PRDM16: variants seen among roughly 807,000 people sequenced by gnomAD.
PRDM16 encodes histone-lysine N-methyltransferase PRDM16.
A neutral mutation model predicts 110.6 loss-of-function variants in PRDM16; 23 were observed. That is an observed-to-expected ratio of 0.21 (90% CI 0.15 to 0.29). The LOEUF is 0.29. Among genes scored for constraint, PRDM16 ranks in the 10% least tolerant of loss-of-function variants. PRDM16 has a pLI of 1.00. For missense variants in PRDM16, 1,615 were observed against 1,794.3 expected, an observed-to-expected ratio of 0.90 and a Z score of 1.81; for synonymous variants, 799 against 781.8, an observed-to-expected ratio of 1.02 and a Z score of -0.37.
Position 3,157,849 on chromosome 1 carries a change from C to T in PRDM16, c.38-28276C>T, listed in dbSNP as rs569270826. Among the ~76,000 whole-genome samples the T allele has an allele frequency of 2.6e-5, 4 of 152,312 alleles. No individual in the cohort carries two copies. The highest frequency in any genetic ancestry group is 4.8e-5 in the African/African-American group (2 of 41,584). ...GCCATCTGGCCTCCCCCAGCACCGC[C>T]GGGCTGGATGCTTTAGCCCCAGCAC... is the stretch of plus-strand genomic sequence containing the variant. On this transcript the variant is annotated intron_variant, in intron 1 of 16. Transcript: ENST00000270722. This position sits in a 1 kb window ranked among gnomAD's most constrained non-coding sequence, Gnocchi z 4.8.
chr1:3,425,366 C>T lies in PRDM16; in HGVS notation c.2940-215C>T, dbSNP rs1638571586. Reference sequence around the variant, plus strand: ...GTGCTGTGATTATAGGCGTGAACCCCTGCTTCTTGAAGCCGGGGCTGTTTC... The same window carrying T: ...GTGCTGTGATTATAGGCGTGAACCCTTGCTTCTTGAAGCCGGGGCTGTTTC... On this transcript the variant is annotated intron_variant, in intron 12 of 16. Coordinates refer to ENST00000270722, the MANE Select transcript of PRDM16 (RefSeq NM_022114.4). This position sits in a 1 kb window ranked among gnomAD's most constrained non-coding sequence, Gnocchi z 6.9. 1.7e-5 allele frequency: 9 copies of T among 535,078 alleles called. No homozygotes were observed. The South Asian group carries it at 2.1e-4, about 12-fold the overall frequency. The allele number at this position is 535,078 out of a possible 1,614,324, so 33.1% of individuals were successfully genotyped here. A position where few individuals can be genotyped will look rare whatever the true frequency, so the allele number is the denominator to read the frequency against.
At position 3,438,049 on chromosome 1, in the gene PRDM16, C is replaced by T; in HGVS notation, c.*4238C>T. On this transcript the variant is annotated 3_prime_UTR_variant, in exon 17 of 17. Coordinates refer to ENST00000270722, the MANE Select transcript of PRDM16 (RefSeq NM_022114.4). Reference sequence around the variant, plus strand: ...TTAGTTTTGTTTTGTTTTGTTTTTTCTTTTAGAACTGTATAGTATTGAAAA... The same window carrying T: ...TTAGTTTTGTTTTGTTTTGTTTTTTTTTTTAGAACTGTATAGTATTGAAAA... 2 of 204,038 alleles carry T rather than the reference C, an allele frequency of 9.8e-6. No homozygotes were observed. The highest frequency in any genetic ancestry group is 7.4e-5 in the East Asian group (1 of 13,478). 12.6% of individuals were successfully genotyped at this position (204,038 alleles called of 1,614,324 possible). A position where few individuals can be genotyped will look rare whatever the true frequency, so the allele number is the denominator to read the frequency against.
intron 1 of PRDM16, among the ~76,000 whole-genome samples, chr1:3,163,477 G>A (rs1325558965): frequency 6.6e-6 from 1 of 152,220 alleles, no homozygotes; most frequent in Non-Finnish European, 1.5e-5. Context: ...AGTAGGTGTT[G>A]AGTAAGAGCG....
rs1642891721 is a variant in PRDM16 at position 3,370,815 on chromosome 1, A to T, written c.439-14337A>T. On this transcript the variant is annotated intron_variant, in intron 3 of 16. Transcript: ENST00000270722. This position sits in a 1 kb window ranked among gnomAD's most constrained non-coding sequence, Gnocchi z 4.8. The stretch of plus-strand genomic sequence containing the variant: ...CATCCATCCATCCACTCATTTATTA[A>T]TCCATCCACCATCTATTCATCCATC... Among the ~76,000 whole-genome samples, 1 of 152,056 alleles carries T rather than the reference A, an allele frequency of 6.6e-6. No homozygotes were observed.
Position 3,402,995 on chromosome 1 carries a change from A to G in PRDM16, c.881A>G (p.Tyr294Cys), listed in dbSNP as rs2100642700. ...TGCGAGCGGATGTTCCCCAACAAGT[A>G]CAGGTGCCACGCCCTCCTCTGAGTC... is the stretch of plus-strand genomic sequence containing the variant. Reference protein sequence around the residue: ...KDCERMFPNKYSLEQHMVIHT... With the variant: ...KDCERMFPNKCSLEQHMVIHT... The change falls in exon 6 of 17, where the codon TAC becomes TGC. Residue 294 changes from tyrosine (Y) to cysteine (C), a missense_variant. Physicochemically the swap from Tyr to Cys is radical, Grantham distance 194. Transcript: ENST00000270722. 1.3e-6 allele frequency: 2 copies of G among 1,598,108 alleles called. No individual in the cohort carries two copies. Among genetic ancestry groups the G allele is most frequent in the Non-Finnish European group, 1.7e-6 (2 of 1,174,520 alleles).
rs369885708 is a variant in PRDM16 at position 3,251,958 on chromosome 1, C to T, written c.438+7821C>T. Among the ~76,000 whole-genome samples the T allele has an allele frequency of 7.2e-5, 11 of 152,356 alleles. No individual in the cohort carries two copies. In the East Asian group the frequency reaches 1.2e-3, roughly 16 times the overall value. ...TTTGGGCGGGGAGTTCTCTCTTCCA[C>T]ACAGCCACGCCGCCTCCCTCCTAAG... On this transcript the variant is annotated intron_variant, in intron 3 of 16. Transcript: ENST00000270722.
intron 1 of PRDM16, among the ~76,000 whole-genome samples, chr1:3,179,442 G>A (rs1195882930): frequency 6.6e-6 from 1 of 152,234 alleles, no homozygotes; most frequent in Non-Finnish European, 1.5e-5. Flanking sequence ...CAGCTCCCCT[G>A]AGGGAGGAGC....
chr1:3,224,558 T>C (rs1413613796), intron 2 of PRDM16, among the ~76,000 whole-genome samples: 1 of 152,220 alleles, frequency 6.6e-6, no homozygotes, highest in Non-Finnish European at 1.5e-5. Flanking sequence ...CGCTCGGGGC[T>C]TCGGCCAGTG....
chr1:3,333,728 A>T (rs531684082), intron 3 of PRDM16, among the ~76,000 whole-genome samples: 1 of 152,236 alleles, frequency 6.6e-6, no homozygotes, highest in African/African-American at 2.4e-5. Flanking sequence ...GCTTGGCAGG[A>T]GGCGAGTAGA....
chr1:3,247,601 A>G (rs1639816751), intron 3 of PRDM16, among the ~76,000 whole-genome samples: 1 of 152,046 alleles, frequency 6.6e-6, no homozygotes, highest in African/African-American at 2.4e-5. Context: ...TTCGCCCTGG[A>G]CTCCCGCGTT....
chr1:3,276,274 C>T (rs1407702278), intron 3 of PRDM16, among the ~76,000 whole-genome samples: 3 of 152,266 alleles, frequency 2.0e-5, no homozygotes, highest in Non-Finnish European at 4.4e-5. Flanking sequence ...CCCCGCCATC[C>T]TCGCCAGGCC....
intron 1 of PRDM16, among the ~76,000 whole-genome samples, chr1:3,084,840 G>A (rs1642114063): frequency 6.6e-6 from 1 of 152,226 alleles, no homozygotes. Context: ...GGGCAGGCCA[G>A]GGAAGTGATT....
intron 3 of PRDM16, among the ~76,000 whole-genome samples, chr1:3,292,015 G>A (rs957793669): frequency 3.3e-5 from 5 of 152,304 alleles, no homozygotes; most frequent in Admixed American, 6.5e-5. Flanking sequence ...TTTACATCTT[G>A]TGTTTTGGGC....
In PRDM16 at chr1:3,243,178, C is replaced by T. The variant is rs1639713910; in HGVS notation, c.388-909C>T. 6.6e-6 allele frequency among the ~76,000 whole-genome samples: 1 copy of T among 152,210 alleles called. No individual in the cohort carries two copies. ...CCACACGTGGGTGAGGGGGTGGGAG[C>T]TCCTGTGTGGCCCACAGCCCGCTGC... On this transcript the variant is annotated intron_variant, in intron 2 of 16. Coordinates refer to ENST00000270722, the MANE Select transcript of PRDM16 (RefSeq NM_022114.4). This position sits in a 1 kb window ranked among gnomAD's most constrained non-coding sequence, Gnocchi z 5.5.
intron 1 of PRDM16, among the ~76,000 whole-genome samples, chr1:3,161,976 T>G (rs1350797676): frequency 3.3e-5 from 5 of 152,092 alleles, no homozygotes; most frequent in Non-Finnish European, 5.9e-5. Context: ...GGGCACTCGG[T>G]TGGACGTCGC....
At chr1:3,320,027 A>G (rs1441764168) in intron 3 of PRDM16, among the ~76,000 whole-genome samples, 2 of 152,136 alleles carry the variant, frequency 1.3e-5, no homozygotes, top group Non-Finnish European at 2.9e-5. Flanking sequence ...CCTAGAAAAC[A>G]GTGCCTGGGC....
At chr1:3,167,057 A>G (rs1643965525) in intron 1 of PRDM16, among the ~76,000 whole-genome samples, 1 of 152,174 alleles carries the variant, frequency 6.6e-6, no homozygotes, top group Admixed American at 6.5e-5. Context: ...AGGTGCAGGG[A>G]GCGAACACAG....
chr1:3,414,448 C>G (rs897728120), intron 9 of PRDM16, 112 bp from the exon 10 acceptor site: 5 of 753,060 alleles, frequency 6.6e-6, no homozygotes, highest in South Asian at 6.6e-5. Flanking sequence ...CACACCATGG[C>G]CTTGTGACTG....
chr1:3,219,819 G>A (rs570697946), intron 2 of PRDM16, among the ~76,000 whole-genome samples: 63 of 152,278 alleles, frequency 4.1e-4, no homozygotes, highest in African/African-American at 1.4e-3. Flanking sequence ...CCTCACGGGC[G>A]CTGTCTCCCC....
Sources: gnomAD v4.1 joint callset for allele counts (sites outside exome capture counted in the v4.1 genomes callset) on GRCh38, gnomAD v4.1.1 for gene constraint, Gnocchi (gnomAD v3.1) non-coding constraint, MANE v1.5 for transcripts, NCBI Gene and HGNC (gene_info 2026-07-23, HGNC 2026-07-21) for gene names.